Variants in DLG2 observed in about 807,000 individuals in gnomAD.
DLG2 encodes discs large MAGUK scaffold protein 2, also known as disks large homolog 2.
A neutral mutation model predicts 132.5 loss-of-function variants in DLG2; 45 were observed. That is an observed-to-expected ratio of 0.34 (90% CI 0.27 to 0.44). DLG2 has a LOEUF of 0.44. DLG2 is among the 20% of genes least tolerant of loss of function. The pLI is 1.00. For missense variants in DLG2, 1,045 were observed against 1,196.9 expected (o/e 0.87, Z 1.87); for synonymous variants, 424 against 419.6 (o/e 1.01, Z -0.13).
At chr11:84,760,896 C>T (rs766827109) in intron 6 of DLG2, among the ~76,000 whole-genome samples, 10 of 152,108 alleles carry the variant, frequency 6.6e-5, no homozygotes, top group Admixed American at 5.9e-4. Context: ...ACCACCTTCC[C>T]ACTCCATCCC....
chr11:84,266,968 CATA>C (rs1454759628), intron 7 of DLG2, among the ~76,000 whole-genome samples: 4 of 152,184 alleles, frequency 2.6e-5, no homozygotes, highest in African/African-American at 9.7e-5. Context: ...GCAAGGAATT[CATA>C]ATGTCATGTG....
chr11:85,366,612 A>G (rs1424674252), intron 3 of DLG2, among the ~76,000 whole-genome samples: 1 of 152,190 alleles, frequency 6.6e-6, no homozygotes, highest in Non-Finnish European at 1.5e-5. Context: ...TATTCTAAAT[A>G]ATACTGAAAT....
intron 9 of DLG2, among the ~76,000 whole-genome samples, chr11:84,148,915 C>A (rs1442454259): frequency 6.6e-6 from 1 of 152,104 alleles, no homozygotes; most frequent in Non-Finnish European, 1.5e-5. Context: ...GCCATTCTAA[C>A]TGGTATGAGG....
chr11:83,566,027 C>T (rs2096703293), intron 19 of DLG2, among the ~76,000 whole-genome samples: 1 of 152,152 alleles, frequency 6.6e-6, no homozygotes, highest in Admixed American at 6.6e-5. Context: ...TAAATAATGG[C>T]ATTTTCAGGG....
chr11:85,038,908 CT>C (rs1399248133), intron 6 of DLG2, among the ~76,000 whole-genome samples: 1 of 151,858 alleles, frequency 6.6e-6, no homozygotes, highest in Admixed American at 6.6e-5. Context: ...TTTAAAATAC[CT>C]TTTTTTCTCA....
intron 21 of DLG2, among the ~76,000 whole-genome samples, chr11:83,506,154 C>T (rs1223116464): frequency 6.6e-6 from 1 of 152,192 alleles, no homozygotes; most frequent in African/African-American, 2.4e-5. Context: ...CGTAGTCAAA[C>T]GTTCAGTTTC....
At chr11:84,091,870 T>C (rs895281630) in intron 10 of DLG2, among the ~76,000 whole-genome samples, 1 of 152,192 alleles carries the variant, frequency 6.6e-6, no homozygotes, top group Non-Finnish European at 1.5e-5. Context: ...TGTGACTGTA[T>C]GTCTGATGTC....
intron 8 of DLG2, among the ~76,000 whole-genome samples, chr11:84,222,089 A>G (rs1179836352): frequency 6.6e-6 from 1 of 151,890 alleles, no homozygotes; most frequent in Non-Finnish European, 1.5e-5. Flanking sequence ...CTGGAGTGCA[A>G]TGGTGCGATC....
chr11:85,474,695 C>G (rs547880203), intron 3 of DLG2, among the ~76,000 whole-genome samples: 1 of 151,448 alleles, frequency 6.6e-6, no homozygotes, highest in East Asian at 1.9e-4. Context: ...AATAAGGTAG[C>G]CTTTAAAATC....
At chr11:84,097,140 C>T (rs911656507) in intron 10 of DLG2, among the ~76,000 whole-genome samples, 10 of 152,208 alleles carry the variant, frequency 6.6e-5, no homozygotes, top group Non-Finnish European at 1.3e-4. Flanking sequence ...GTCATTCTTA[C>T]CTACAGGACT....
At chr11:85,580,221 C>T (rs1221453599) in intron 3 of DLG2, among the ~76,000 whole-genome samples, 2 of 152,058 alleles carry the variant, frequency 1.3e-5, no homozygotes, top group African/African-American at 4.8e-5. Context: ...ACCCTTTTTT[C>T]TTCCCAGTCT....
intron 6 of DLG2, among the ~76,000 whole-genome samples, chr11:85,023,942 A>G (rs987511013): frequency 2.0e-5 from 3 of 152,144 alleles, no homozygotes; most frequent in African/African-American, 7.2e-5. Flanking sequence ...ATTAAGGTAC[A>G]TTTTTGTAGC....
At chr11:83,838,635 G>A (rs1449338777) in intron 16 of DLG2, among the ~76,000 whole-genome samples, 1 of 152,140 alleles carries the variant, frequency 6.6e-6, no homozygotes, top group Non-Finnish European at 1.5e-5. Flanking sequence ...ATGGATTTGT[G>A]GCTTCACATG....
chr11:85,446,589 T>G (rs2092020439), intron 3 of DLG2, among the ~76,000 whole-genome samples: 2 of 152,204 alleles, frequency 1.3e-5, no homozygotes, highest in South Asian at 4.1e-4. Context: ...ATTTAATCCT[T>G]GCTACAACTA....
intron 6 of DLG2, among the ~76,000 whole-genome samples, chr11:84,952,441 C>T (rs1175503305): frequency 6.6e-6 from 1 of 152,016 alleles, no homozygotes; most frequent in African/African-American, 2.4e-5. Context: ...GGCGTGAACC[C>T]GGAAGGCGGA....
chr11:83,632,960 T>C, intron 19 of DLG2: 1 of 468,098 alleles, frequency 2.1e-6, no homozygotes, highest in South Asian at 3.3e-5. Context: ...TATTGCAACC[T>C]ATGCTGAGCA....
chr11:85,410,027 G>A (rs560817912), intron 3 of DLG2, among the ~76,000 whole-genome samples: 9 of 151,882 alleles, frequency 5.9e-5, no homozygotes, highest in East Asian at 5.8e-4. Flanking sequence ...GTTTTAGTAC[G>A]GAATGGCATA....
At chr11:84,151,526 T>C (rs534603227) in intron 9 of DLG2, among the ~76,000 whole-genome samples, 1 of 152,188 alleles carries the variant, frequency 6.6e-6, no homozygotes, top group African/African-American at 2.4e-5. Flanking sequence ...CTTTTGTATA[T>C]ATTTTTGCAT....
intron 3 of DLG2, among the ~76,000 whole-genome samples, chr11:85,310,786 C>T (rs551217800): frequency 3.9e-5 from 6 of 152,262 alleles, no homozygotes; most frequent in South Asian, 4.2e-4. Context: ...TTTTTGTGAT[C>T]GTACTTTCTT....
Sources: allele counts gnomAD v4.1 joint callset (sites outside exome capture counted in the v4.1 genomes callset), GRCh38; gene constraint gnomAD v4.1.1; transcripts MANE v1.5; gene names NCBI Gene and HGNC (gene_info 2026-07-23, HGNC 2026-07-21).